Variants in NR5A2 observed in about 807,000 individuals in gnomAD.
The protein encoded by NR5A2 is nuclear receptor subfamily 5 group A member 2.
Under a neutral mutation model 62.7 loss-of-function variants are expected in NR5A2, and 26 were observed. That is an observed-to-expected ratio of 0.41 (90% CI 0.30 to 0.58). The LOEUF is 0.58. Ranked by LOEUF, NR5A2 falls within the 20% of genes least tolerant of loss-of-function variation. NR5A2 has a pLI of 0.22. For synonymous variants in NR5A2, 246 were observed against 241.7 expected (o/e 1.02, Z -0.16); for missense variants, 541 against 669.1 (o/e 0.81, Z 2.11).
At chr1:200,075,896 C>CTTTTCTTTTCTTTTCTTTTT (rs762709648) in intron 5 of NR5A2, among the ~76,000 whole-genome samples, 1 of 149,304 alleles carries the variant, frequency 6.7e-6, no homozygotes, top group Non-Finnish European at 1.5e-5. Flanking sequence ...GTTTTCTTTT[C>CTTTTCTTTTCTTTTCTTTTT]TTTTTTTTTT....
At chr1:200,155,649 C>T (rs1471107186) in intron 7 of NR5A2, among the ~76,000 whole-genome samples, 1 of 152,040 alleles carries the variant, frequency 6.6e-6, no homozygotes, top group Non-Finnish European at 1.5e-5. Flanking sequence ...GGATTAATGA[C>T]AATGCTGAAT....
At chr1:200,116,431 AT>A (rs1383882513) in intron 6 of NR5A2, among the ~76,000 whole-genome samples, 1 of 152,198 alleles carries the variant, frequency 6.6e-6, no homozygotes, top group African/African-American at 2.4e-5. Context: ...AAGAGAAGAA[AT>A]ATAAAATAGC....
chr1:200,143,449 T>C (rs1272490302), intron 7 of NR5A2, among the ~76,000 whole-genome samples: 1 of 151,682 alleles, frequency 6.6e-6, no homozygotes, highest in Non-Finnish European at 1.5e-5. Flanking sequence ...CTTCTTTCAT[T>C]CCTTCTAATA....
chr1:200,033,148 T>G (rs531251006), intron 1 of NR5A2, among the ~76,000 whole-genome samples: 7 of 152,304 alleles, frequency 4.6e-5, no homozygotes, highest in Non-Finnish European at 1.0e-4. Flanking sequence ...CTCTGGAGTT[T>G]CCTGGAAAGG....
rs1293522931 is a variant in NR5A2 at position 200,039,154 on chromosome 1, G to C, written c.65-504G>C. On this transcript the variant is annotated intron_variant, in intron 1 of 7. Coordinates refer to ENST00000367362, the MANE Select transcript of NR5A2 (RefSeq NM_205860.3). The surrounding 1 kb of genome is among the most constrained non-coding windows in gnomAD (Gnocchi z 5.1). ...ATAGTGAGCAAGAGAGAGGCAGAGA[G>C]AGATAGGGGGAAGGGGCGGAGAGGA... Among the ~76,000 whole-genome samples the C allele has an allele frequency of 6.6e-6, 1 of 152,128 alleles. No homozygotes were observed. Among genetic ancestry groups the C allele is most frequent in the African/African-American group, 2.4e-5 (1 of 41,446 alleles).
At chr1:200,134,986 G>C (rs1667146482) in intron 7 of NR5A2, among the ~76,000 whole-genome samples, 1 of 152,172 alleles carries the variant, frequency 6.6e-6, no homozygotes, top group Admixed American at 6.5e-5. Flanking sequence ...TCTGTTTTCT[G>C]TGGAGAACAT....
intron 7 of NR5A2, among the ~76,000 whole-genome samples, chr1:200,139,324 A>C (rs2102342026): frequency 1.3e-5 from 2 of 152,344 alleles, no homozygotes; most frequent in East Asian, 3.8e-4. Context: ...TCTGAAAATA[A>C]ATACAGATTT....
intron 7 of NR5A2, among the ~76,000 whole-genome samples, chr1:200,168,851 A>C (rs530246894): frequency 6.6e-6 from 1 of 152,342 alleles, no homozygotes; most frequent in East Asian, 1.9e-4. Context: ...AGCCCTTTAA[A>C]AAATAATTTT....
At chr1:200,032,424 T>G (rs548600516) in intron 1 of NR5A2, among the ~76,000 whole-genome samples, 1 of 151,420 alleles carries the variant, frequency 6.6e-6, no homozygotes, top group Admixed American at 6.5e-5. Context: ...GAAAAGATAT[T>G]TGGAGTGTAA....
Position 200,039,181 on chromosome 1 carries a change from GGGAGAGAGAAGGGAGGCGAGAGAAAGA to G in NR5A2, c.65-467_65-441del, listed in dbSNP as rs924044767. On this transcript the variant is annotated intron_variant, in intron 1 of 7. Coordinates refer to ENST00000367362, the MANE Select transcript of NR5A2 (RefSeq NM_205860.3). This position sits in a 1 kb window ranked among gnomAD's most constrained non-coding sequence, Gnocchi z 5.1. ...GATAGGGGGAAGGGGCGGAGAGGAG[GGGAGAGAGAAGGGAGGCGAGAGAAAGA>G]GGAGAGAGACCCCTGCCGATCCTGA... 2.0e-5 allele frequency among the ~76,000 whole-genome samples: 3 copies of G among 152,174 alleles called. No individual in the cohort carries two copies. The highest frequency in any genetic ancestry group is 2.9e-5 in the Non-Finnish European group (2 of 68,026).
intron 5 of NR5A2, among the ~76,000 whole-genome samples, chr1:200,078,725 G>C (rs1468528204): frequency 6.6e-6 from 1 of 152,054 alleles, no homozygotes; most frequent in Non-Finnish European, 1.5e-5. Flanking sequence ...GCTCTCATTA[G>C]ATCCTTTATT....
At chr1:200,096,598 A>G (rs1665113728) in intron 5 of NR5A2, among the ~76,000 whole-genome samples, 1 of 152,170 alleles carries the variant, frequency 6.6e-6, no homozygotes, top group South Asian at 2.1e-4. Context: ...GTTTGACATG[A>G]GTCAACCAGC....
At chr1:200,108,080 ACGTGTGTG>A (rs1241662723) in intron 5 of NR5A2, among the ~76,000 whole-genome samples, 4 of 68,968 alleles carry the variant, frequency 5.8e-5, no homozygotes, top group Non-Finnish European at 8.0e-5. Flanking sequence ...TAGAAGACAT[ACGTGTGTG>A]TGTGTGTGTG....
intron 7 of NR5A2, among the ~76,000 whole-genome samples, chr1:200,152,521 T>G (rs1222019839): frequency 6.6e-6 from 1 of 152,184 alleles, no homozygotes; most frequent in African/African-American, 2.4e-5. Flanking sequence ...AATATTACAG[T>G]AACAAACAGG....
chr1:200,158,917 TAATAGGGACAGG>T (rs1003337287), intron 7 of NR5A2, among the ~76,000 whole-genome samples: 2 of 148,142 alleles, frequency 1.4e-5, no homozygotes, highest in Non-Finnish European at 3.0e-5. Context: ...TTTTTTTTCC[TAATAGGGACAGG>T]GTCTCTGTCA....
At chr1:200,081,969 CAG>C (rs1035268263) in intron 5 of NR5A2, among the ~76,000 whole-genome samples, 42 of 152,032 alleles carry the variant, frequency 2.8e-4, no homozygotes, top group African/African-American at 9.6e-4. Flanking sequence ...TCTCAGCTAA[CAG>C]GGGGTCACCG....
chr1:200,062,066 C>T (rs907690430), intron 5 of NR5A2, among the ~76,000 whole-genome samples: 1 of 152,122 alleles, frequency 6.6e-6, no homozygotes, highest in African/African-American at 2.4e-5. Flanking sequence ...AGCAACATTC[C>T]ATAGATATTG....
In NR5A2 at chr1:200,147,518, G is replaced by T. The variant is rs1571556122; in HGVS notation, c.1379-26445G>T. 1 of 660,070 alleles carries T rather than the reference G, an allele frequency of 1.5e-6. No individual in the cohort carries two copies. Among genetic ancestry groups the T allele is most frequent in the Non-Finnish European group, 2.9e-6 (1 of 344,724 alleles). 40.9% of individuals were successfully genotyped at this position (660,070 alleles called of 1,614,324 possible). The stretch of plus-strand genomic sequence containing the variant: ...TTTCTTCATCCTTAAAATTTCTGCT[G>T]CTTTTGCTGTTTCTGTGATTTCCTT... On this transcript the variant is annotated intron_variant, in intron 7 of 7. Coordinates refer to ENST00000367362, the MANE Select transcript of NR5A2 (RefSeq NM_205860.3). This position sits in a 1 kb window ranked among gnomAD's most constrained non-coding sequence, Gnocchi z 4.9.
At chr1:200,161,325 CTT>C (rs1291415595) in intron 7 of NR5A2, among the ~76,000 whole-genome samples, 4 of 152,112 alleles carry the variant, frequency 2.6e-5, no homozygotes, top group Non-Finnish European at 4.4e-5. Context: ...CCTTATTTTT[CTT>C]TGATTTTCCG....
Sources: gnomAD v4.1 joint callset for allele counts (sites outside exome capture counted in the v4.1 genomes callset) on GRCh38, gnomAD v4.1.1 for gene constraint, Gnocchi (gnomAD v3.1) non-coding constraint, MANE v1.5 for transcripts, NCBI Gene and HGNC (gene_info 2026-07-23, HGNC 2026-07-21) for gene names.